Variants in ADK observed in about 807,000 individuals in gnomAD.
The protein encoded by ADK is adenosine kinase, also known as N6,N6-dimethyladenosine kinase.
ADK carries 24 observed loss-of-function variants against 44.7 expected under a neutral mutation model. The ratio of observed to expected loss-of-function variants is 0.54; its 90% confidence interval spans 0.39 to 0.76. The LOEUF (loss-of-function observed/expected upper bound fraction) is 0.76, where lower values mean the gene tolerates loss of function less well. ADK is among the 30% of genes least tolerant of loss of function. ADK has a pLI of 0.00. For synonymous variants in ADK, 128 were observed against 142.6 expected, an observed-to-expected ratio of 0.90 and a Z score of 0.73; for missense variants, 321 against 425.1, an observed-to-expected ratio of 0.76 and a Z score of 2.15.
chr10:74,208,065 G>T (rs1423240995), intron 2 of ADK, among the ~76,000 whole-genome samples: 1 of 152,254 alleles, frequency 6.6e-6, no homozygotes, highest in Non-Finnish European at 1.5e-5. Flanking sequence ...GCTGGGTTGT[G>T]ACAGTGCCTG....
intron 6 of ADK, among the ~76,000 whole-genome samples, chr10:74,475,979 A>T (rs1846821351): frequency 6.6e-6 from 1 of 152,162 alleles, no homozygotes; most frequent in Admixed American, 6.5e-5. Flanking sequence ...GTATACATAG[A>T]CACACATTGT....
chr10:74,338,760 A>C (rs985556814), intron 4 of ADK, among the ~76,000 whole-genome samples: 1 of 152,170 alleles, frequency 6.6e-6, no homozygotes, highest in Non-Finnish European at 1.5e-5. Flanking sequence ...CAGGAGTTAG[A>C]GATAATGTGG....
chr10:74,195,942 G>A (rs1564585819), intron 1 of ADK, among the ~76,000 whole-genome samples: 3 of 151,650 alleles, frequency 2.0e-5, no homozygotes, highest in Admixed American at 6.6e-5. Flanking sequence ...CTCCCAAAGT[G>A]CTGAGATTAC....
chr10:74,227,980 G>A (rs1209237696), intron 3 of ADK, among the ~76,000 whole-genome samples: 1 of 151,950 alleles, frequency 6.6e-6, no homozygotes, highest in Non-Finnish European at 1.5e-5. Context: ...ACTGAGCTCT[G>A]GACTGGACAG....
chr10:74,610,099 A>C (rs980748265), intron 9 of ADK, among the ~76,000 whole-genome samples: 4 of 152,194 alleles, frequency 2.6e-5, no homozygotes, highest in Admixed American at 6.5e-5. Flanking sequence ...GCAGGAACCT[A>C]AACAGATATA....
intron 7 of ADK, among the ~76,000 whole-genome samples, chr10:74,540,226 C>A (rs1564781557): frequency 6.6e-6 from 1 of 151,958 alleles, no homozygotes; most frequent in Non-Finnish European, 1.5e-5. Flanking sequence ...TAAATACACT[C>A]AAGTAAAGAA....
intron 1 of ADK, among the ~76,000 whole-genome samples, chr10:74,155,280 C>G (rs370425223): frequency 1.3e-4 from 19 of 151,858 alleles, no homozygotes; most frequent in South Asian, 1.0e-3. Context: ...CCCAGAAGTT[C>G]GAGACCAGTC....
At chr10:74,440,009 A>G (rs1845341573) in intron 6 of ADK, among the ~76,000 whole-genome samples, 1 of 152,004 alleles carries the variant, frequency 6.6e-6, no homozygotes, top group Non-Finnish European at 1.5e-5. Context: ...AATTAAACTT[A>G]GTTGATTATT....
intron 6 of ADK, among the ~76,000 whole-genome samples, chr10:74,468,824 G>A (rs1166491242): frequency 2.6e-5 from 4 of 152,050 alleles, no homozygotes; most frequent in Non-Finnish European, 5.9e-5. Context: ...TAACCCCTTA[G>A]TATCTTCTAA....
intron 4 of ADK, among the ~76,000 whole-genome samples, chr10:74,346,042 A>C (rs1338583268): frequency 3.3e-5 from 5 of 152,142 alleles, no homozygotes; most frequent in Non-Finnish European, 7.4e-5. Context: ...CTGCAGGTAC[A>C]TGCCACGACC....
At chr10:74,413,567 C>T (rs1187274102) in intron 6 of ADK, among the ~76,000 whole-genome samples, 1 of 152,182 alleles carries the variant, frequency 6.6e-6, no homozygotes, top group Non-Finnish European at 1.5e-5. Flanking sequence ...AGGTTGTGCT[C>T]GGGATTAAGC....
intron 6 of ADK, among the ~76,000 whole-genome samples, chr10:74,443,534 G>A (rs1592222313): frequency 1.3e-5 from 2 of 152,230 alleles, no homozygotes; most frequent in East Asian, 3.9e-4. Flanking sequence ...GGTTGTCTTA[G>A]GCTGAAAGTG....
At chr10:74,668,291 C>T (rs543658107) in intron 9 of ADK, among the ~76,000 whole-genome samples, 202 of 152,194 alleles carry the variant, frequency 1.3e-3, no homozygotes, top group Middle Eastern at 6.8e-3. Flanking sequence ...ATAAAGTCTG[C>T]TTACATTTTT....
At chr10:74,683,421 ATAT>A (rs923424832) in intron 10 of ADK, among the ~76,000 whole-genome samples, 1 of 152,220 alleles carries the variant, frequency 6.6e-6, no homozygotes, top group African/African-American at 2.4e-5. Flanking sequence ...AGTCTTACAG[ATAT>A]TATATCCAGG....
intron 1 of ADK, among the ~76,000 whole-genome samples, chr10:74,169,101 C>T (rs1842101777): frequency 2.6e-5 from 4 of 151,958 alleles, no homozygotes; most frequent in Admixed American, 2.6e-4. Flanking sequence ...CATATGTGGT[C>T]CCAGCCGCTC....
chr10:74,335,586 A>G (rs1415551594), intron 4 of ADK, among the ~76,000 whole-genome samples: 1 of 152,160 alleles, frequency 6.6e-6, no homozygotes, highest in Non-Finnish European at 1.5e-5. Context: ...TGTTAACATA[A>G]ATTTTCATTT....
intron 2 of ADK, among the ~76,000 whole-genome samples, chr10:74,217,292 T>C (rs1462986709): frequency 2.6e-5 from 4 of 152,276 alleles, no homozygotes; most frequent in Admixed American, 2.6e-4. Context: ...CAGATCAAAC[T>C]GCAAGGCGGC....
At chr10:74,243,262 C>T (rs973176219) in intron 3 of ADK, among the ~76,000 whole-genome samples, 17 of 152,166 alleles carry the variant, frequency 1.1e-4, no homozygotes, top group South Asian at 4.1e-4. Flanking sequence ...CTGGAGCAGC[C>T]GGCCAGGTCC....
intron 7 of ADK, among the ~76,000 whole-genome samples, chr10:74,581,817 C>T (rs1851383069): frequency 6.6e-6 from 1 of 152,112 alleles, no homozygotes; most frequent in African/African-American, 2.4e-5. Flanking sequence ...GAATTCTAGA[C>T]CCAGTGAAAA....
Sources: allele counts gnomAD v4.1 joint callset (sites outside exome capture counted in the v4.1 genomes callset), GRCh38; gene constraint gnomAD v4.1.1; transcripts MANE v1.5; gene names NCBI Gene and HGNC (gene_info 2026-07-23, HGNC 2026-07-21).